PDLIM5: variants seen among roughly 807,000 people sequenced by gnomAD.
PDLIM5 encodes the protein PDZ and LIM domain protein 5.
Under a neutral mutation model 64.2 loss-of-function variants are expected in PDLIM5, and 34 were observed. That is an observed-to-expected ratio of 0.53 (90% CI 0.40 to 0.71). PDLIM5 has a LOEUF of 0.71. Ranked by LOEUF, PDLIM5 falls within the 30% of genes least tolerant of loss-of-function variation. PDLIM5 has a pLI of 0.00. For missense variants in PDLIM5, 683 were observed against 733.6 expected (o/e 0.93, Z 0.80); for synonymous variants, 253 against 269.1 (o/e 0.94, Z 0.59).
chr4:94,626,859 G>A (rs1367745335), intron 8 of PDLIM5, among the ~76,000 whole-genome samples: 1 of 151,554 alleles, frequency 6.6e-6, no homozygotes, highest in Non-Finnish European at 1.5e-5. Context: ...AAGACTGAAT[G>A]ATGTGCATCT....
chr4:94,589,937 C>G (rs1236013750), intron 7 of PDLIM5, among the ~76,000 whole-genome samples: 1 of 151,510 alleles, frequency 6.6e-6, no homozygotes, highest in Non-Finnish European at 1.5e-5. Context: ...ACCTGCCCAG[C>G]TAATTTTTAT....
intron 2 of PDLIM5, among the ~76,000 whole-genome samples, chr4:94,498,620 C>T (rs1224892680): frequency 1.3e-5 from 2 of 152,192 alleles, no homozygotes; most frequent in African/African-American, 4.8e-5. Context: ...TTGTTCACTG[C>T]TGTATTGCCA....
chr4:94,597,573 A>G (rs1317167734), intron 7 of PDLIM5, among the ~76,000 whole-genome samples: 2 of 152,250 alleles, frequency 1.3e-5, no homozygotes, highest in South Asian at 2.1e-4. Flanking sequence ...AGGTTTATTT[A>G]TATCCTGGAG....
chr4:94,653,019 A>G (rs1416119278), intron 9 of PDLIM5, among the ~76,000 whole-genome samples: 1 of 152,142 alleles, frequency 6.6e-6, no homozygotes, highest in African/African-American at 2.4e-5. Flanking sequence ...TCAGAATTTT[A>G]AAAATGCTGT....
intron 3 of PDLIM5, among the ~76,000 whole-genome samples, chr4:94,571,547 T>A (rs1734800387): frequency 6.6e-6 from 1 of 152,216 alleles, no homozygotes; most frequent in Non-Finnish European, 1.5e-5. Flanking sequence ...AAACTCACAC[T>A]ACACAAAAGT....
chr4:94,535,904 A>G (rs961629944), intron 3 of PDLIM5, among the ~76,000 whole-genome samples: 1 of 150,582 alleles, frequency 6.6e-6, no homozygotes, highest in Admixed American at 6.6e-5. Flanking sequence ...CATTAAGATA[A>G]TAATTGTATT....
At chr4:94,548,243 A>C (rs1732494567) in intron 3 of PDLIM5, among the ~76,000 whole-genome samples, 1 of 152,198 alleles carries the variant, frequency 6.6e-6, no homozygotes, top group African/African-American at 2.4e-5. Context: ...ATTTGAACCC[A>C]GGCTACTTAA....
intron 7 of PDLIM5, chr4:94,610,200 A>T: frequency 6.5e-7 from 1 of 1,526,906 alleles, no homozygotes; most frequent in Non-Finnish European, 8.8e-7. Flanking sequence ...ATTCTTTCGA[A>T]GGTTTTCGAA....
chr4:94,521,031 C>T (rs1729780269), intron 2 of PDLIM5, among the ~76,000 whole-genome samples: 1 of 152,140 alleles, frequency 6.6e-6, no homozygotes, highest in South Asian at 2.1e-4. Context: ...AGAAAACCTA[C>T]AATATTCAAG....
intron 9 of PDLIM5, among the ~76,000 whole-genome samples, chr4:94,647,797 GAT>G (rs1741535527): frequency 6.6e-6 from 1 of 152,038 alleles, no homozygotes; most frequent in Non-Finnish European, 1.5e-5. Context: ...AAAGGACTGA[GAT>G]CATACAAAGT....
At chr4:94,494,440 T>TTTTTTTTTTTTTTTTTG (rs1727180698) in intron 2 of PDLIM5, among the ~76,000 whole-genome samples, 1 of 48,512 alleles carries the variant, frequency 2.1e-5, no homozygotes, top group Non-Finnish European at 3.5e-5. Flanking sequence ...TTGTTTTTTT[T>TTTTTTTTTTTTTTTTTG]TTTTTTTTTT....
At chr4:94,537,828 T>C (rs1050417082) in intron 3 of PDLIM5, among the ~76,000 whole-genome samples, 12 of 152,308 alleles carry the variant, frequency 7.9e-5, no homozygotes, top group African/African-American at 2.9e-4. Flanking sequence ...CAGATTTCTC[T>C]CTTAATGTAA....
intron 5 of PDLIM5, among the ~76,000 whole-genome samples, chr4:94,578,418 A>G (rs893850223): frequency 6.6e-6 from 1 of 152,192 alleles, no homozygotes; most frequent in African/African-American, 2.4e-5. Context: ...ATTTTGCATC[A>G]TTTTCAGGCA....
chr4:94,561,828 G>C (rs904159441), intron 3 of PDLIM5, among the ~76,000 whole-genome samples: 5 of 152,168 alleles, frequency 3.3e-5, no homozygotes, highest in African/African-American at 1.2e-4. Context: ...CTCTTGTCTA[G>C]TTCAGTTTTA....
chr4:94,471,973 T>G lies in PDLIM5; in HGVS notation c.96+16589T>G, dbSNP rs1322717398. ...ACAAAGACCTTATAAGTATTTGTACTTATAAAGACCTTATAAGTATTTACT... is the reference window on the plus strand; with the variant it reads ...ACAAAGACCTTATAAGTATTTGTACGTATAAAGACCTTATAAGTATTTACT... On this transcript the variant is annotated intron_variant, in intron 2 of 12. Coordinates refer to ENST00000317968, the MANE Select transcript of PDLIM5 (RefSeq NM_006457.5). Among the ~76,000 whole-genome samples the G allele has an allele frequency of 3.9e-5, 6 of 152,274 alleles. No homozygotes were observed. In the South Asian group the frequency reaches 1.0e-3, roughly 26 times the overall value.
chr4:94,477,483 C>T (rs1043370292), intron 2 of PDLIM5, among the ~76,000 whole-genome samples: 1 of 152,142 alleles, frequency 6.6e-6, no homozygotes, highest in African/African-American at 2.4e-5. Flanking sequence ...CTGAGAGATA[C>T]TTCCTTTTTT....
chr4:94,560,257 G>A (rs943449215), intron 3 of PDLIM5, among the ~76,000 whole-genome samples: 1 of 152,148 alleles, frequency 6.6e-6, no homozygotes, highest in African/African-American at 2.4e-5. Flanking sequence ...GAACTTTACA[G>A]AAACTAATGT....
chr4:94,563,365 A>G (rs1298823235), intron 3 of PDLIM5, among the ~76,000 whole-genome samples: 1 of 152,218 alleles, frequency 6.6e-6, no homozygotes, highest in Non-Finnish European at 1.5e-5. Context: ...TTTGATCACT[A>G]ATTTTTAAAT....
In PDLIM5 at chr4:94,576,005, A is replaced by C; in HGVS notation, c.681A>C (p.Gly227=). Residue 227 remains glycine, a synonymous_variant, in exon 5 of 13, where the codon GGA becomes GGC. Transcript: ENST00000317968. ...SQELAEGQRR[G]SQGDSKQQNG... ...AGCTAGCAGAGGGACAGAGAAGAGG[A>C]TCCCAGGGTGACAGTAAACAGCAAA... is the stretch of plus-strand genomic sequence containing the variant. 6.2e-7 allele frequency: 1 copy of C among 1,613,978 alleles called. No individual in the cohort carries two copies. The highest frequency in any genetic ancestry group is 8.5e-7 in the Non-Finnish European group (1 of 1,179,898).
Sources: gnomAD v4.1 joint callset for allele counts (sites outside exome capture counted in the v4.1 genomes callset) on GRCh38, gnomAD v4.1.1 for gene constraint, MANE v1.5 for transcripts, NCBI Gene and HGNC (gene_info 2026-07-23, HGNC 2026-07-21) for gene names.